Variants in ARHGAP6 observed in about 807,000 individuals in gnomAD.
ARHGAP6 encodes the protein Rho GTPase activating protein 6, also known as rho GTPase-activating protein 6.
A neutral mutation model predicts 55.7 loss-of-function variants in ARHGAP6; 16 were observed. That is an observed-to-expected ratio of 0.29 (90% CI 0.19 to 0.44). The LOEUF (loss-of-function observed/expected upper bound fraction) is 0.44. Among genes scored for constraint, ARHGAP6 ranks in the 20% least tolerant of loss-of-function variants. The probability of loss-of-function intolerance (pLI) is 1.00; values close to 1 mark genes in which losing one functional copy is unlikely to be tolerated. For synonymous variants in ARHGAP6, 382 were observed against 360.9 expected (o/e 1.06, Z -0.66); for missense variants, 698 against 808.9 (o/e 0.86, Z 1.66).
At chrX:11,625,839 G>GA (rs1384689093) in intron 1 of ARHGAP6, among the ~76,000 whole-genome samples, 2 of 111,158 alleles carry the variant, frequency 1.8e-5, no homozygotes, top group Admixed American at 9.6e-5. Flanking sequence ...AATGAAAAAT[G>GA]AAAAAAATTA....
intron 1 of ARHGAP6, among the ~76,000 whole-genome samples, chrX:11,591,271 C>G (rs1476133677): frequency 9.1e-6 from 1 of 109,847 alleles, no homozygotes; most frequent in East Asian, 2.8e-4. Flanking sequence ...TGTTATCCCA[C>G]ATACAGATAC....
At chrX:11,593,579 T>C (rs951511596) in intron 1 of ARHGAP6, among the ~76,000 whole-genome samples, 2 of 111,876 alleles carry the variant, frequency 1.8e-5, no homozygotes, top group Non-Finnish European at 3.8e-5. Context: ...ACGTTAACTA[T>C]AGACTTTGGG....
At chrX:11,589,043 A>G (rs1421138473) in intron 1 of ARHGAP6, among the ~76,000 whole-genome samples, 2 of 89,095 alleles carry the variant, frequency 2.2e-5, no homozygotes, top group Admixed American at 1.2e-4. Flanking sequence ...GCTGCATTGG[A>G]ATTTTTTTTT....
chrX:11,320,129 A>G (rs1297677144), intron 1 of ARHGAP6, among the ~76,000 whole-genome samples: 5 of 112,054 alleles, frequency 4.5e-5, no homozygotes, highest in Non-Finnish European at 5.6e-5. Flanking sequence ...TCTCAGAGAC[A>G]GCTCTGTGGA....
chrX:11,596,118 C>T (rs1235912533), intron 1 of ARHGAP6, among the ~76,000 whole-genome samples: 3 of 111,983 alleles, frequency 2.7e-5, no homozygotes, highest in Non-Finnish European at 5.6e-5. Flanking sequence ...AAGACACATG[C>T]ACATATATGC....
chrX:11,640,968 G>A (rs1375755929), intron 1 of ARHGAP6, among the ~76,000 whole-genome samples: 1 of 111,416 alleles, frequency 9.0e-6, no homozygotes, highest in Non-Finnish European at 1.9e-5. Context: ...TGAAGGTTAA[G>A]GCAGTTTTAC....
chrX:11,213,599 G>T (rs191943274), intron 2 of ARHGAP6, among the ~76,000 whole-genome samples: 29 of 112,585 alleles, frequency 2.6e-4, no homozygotes, highest in Middle Eastern at 4.6e-3. Flanking sequence ...CATGTCTTTT[G>T]CAGCACCACG....
intron 2 of ARHGAP6, among the ~76,000 whole-genome samples, chrX:11,236,444 A>G (rs772961708): frequency 9.0e-6 from 1 of 111,423 alleles, no homozygotes; most frequent in South Asian, 3.8e-4. Context: ...AAACCATATC[A>G]TGCTCTAACC....
chrX:11,380,698 T>C (rs928171396), intron 1 of ARHGAP6, among the ~76,000 whole-genome samples: 1 of 111,600 alleles, frequency 9.0e-6, no homozygotes, highest in Non-Finnish European at 1.9e-5. Context: ...ACATTTTGAG[T>C]AGCACTGGTT....
intron 1 of ARHGAP6, among the ~76,000 whole-genome samples, chrX:11,536,786 T>C (rs1387546894): frequency 8.9e-6 from 1 of 112,614 alleles, no homozygotes; most frequent in Non-Finnish European, 1.9e-5. Flanking sequence ...TATTTGAATT[T>C]TTTACTGTGT....
intron 1 of ARHGAP6, among the ~76,000 whole-genome samples, chrX:11,574,859 A>G: frequency 9.0e-6 from 1 of 111,534 alleles, no homozygotes; most frequent in East Asian, 2.8e-4. Context: ...CCTTAAGCTG[A>G]TAAGCAACTT....
At chrX:11,254,470 A>G (rs1402643839) in intron 2 of ARHGAP6, 78 bp downstream of exon 2, 1 of 1,096,924 alleles carries the variant, frequency 9.1e-7, no homozygotes, top group Non-Finnish European at 1.2e-6. Flanking sequence ...GTGTGAGAAG[A>G]GTTCACAGCT....
chrX:11,598,501 T>C (rs1051118069), intron 1 of ARHGAP6, among the ~76,000 whole-genome samples: 2 of 111,979 alleles, frequency 1.8e-5, no homozygotes, highest in Non-Finnish European at 3.8e-5. Flanking sequence ...TACCCCCTCC[T>C]TTCCTCCCCA....
intron 1 of ARHGAP6, among the ~76,000 whole-genome samples, chrX:11,619,622 A>G (rs1460137642): frequency 9.0e-6 from 1 of 111,679 alleles, no homozygotes; most frequent in Non-Finnish European, 1.9e-5. Flanking sequence ...CCCTCTAACA[A>G]AAATATTTTT....
intron 1 of ARHGAP6, among the ~76,000 whole-genome samples, chrX:11,576,832 G>A (rs1175849379): frequency 4.7e-5 from 4 of 84,890 alleles, no homozygotes; most frequent in African/African-American, 1.0e-4. Flanking sequence ...CTCAAACCAA[G>A]AGGCAGAGTT....
At chrX:11,171,462 C>A (rs1339470335) in intron 8 of ARHGAP6, among the ~76,000 whole-genome samples, 1 of 110,221 alleles carries the variant, frequency 9.1e-6, no homozygotes, top group South Asian at 3.8e-4. Flanking sequence ...ACGAATAAAC[C>A]ATGATGTTTT....
chrX:11,459,643 C>A (rs1354657864), intron 1 of ARHGAP6, among the ~76,000 whole-genome samples: 1 of 111,918 alleles, frequency 8.9e-6, no homozygotes, highest in Non-Finnish European at 1.9e-5. Flanking sequence ...GTTTATTAAA[C>A]TATTGCTCAA....
chrX:11,212,934 T>C (rs897394942), intron 2 of ARHGAP6, among the ~76,000 whole-genome samples: 3 of 113,066 alleles, frequency 2.7e-5, no homozygotes, highest in African/African-American at 9.6e-5. Flanking sequence ...TCCTCGCTGA[T>C]TGGTCGGCTC....
chrX:11,450,306 TA>T (rs1433825551), intron 1 of ARHGAP6, among the ~76,000 whole-genome samples: 1 of 110,960 alleles, frequency 9.0e-6, no homozygotes, highest in African/African-American at 3.3e-5. Flanking sequence ...TGAAATCCTA[TA>T]AAAAAACAGC....
Sources: allele counts gnomAD v4.1 joint callset (sites outside exome capture counted in the v4.1 genomes callset), GRCh38; gene constraint gnomAD v4.1.1; transcripts MANE v1.5; gene names NCBI Gene and HGNC (gene_info 2026-07-23, HGNC 2026-07-21).